TMCO4: variants seen among roughly 807,000 people sequenced by gnomAD.
TMCO4 encodes the protein transmembrane and coiled-coil domain-containing protein 4.
In TMCO4, 58 loss-of-function variants were observed where a neutral mutation model predicts 64.7. The observed-to-expected ratio is 0.90, with a 90% CI of 0.73 to 1.12. The LOEUF is 1.12. Ranked by LOEUF, TMCO4 falls within the 50% of genes most tolerant of loss-of-function variation. The pLI is 0.00. For synonymous variants in TMCO4, 325 were observed against 346.1 expected, an observed-to-expected ratio of 0.94 and a Z score of 0.68; for missense variants, 780 against 825.9, an observed-to-expected ratio of 0.94 and a Z score of 0.68.
chr1:19,798,606 A>C (rs1478999337), intron 1 of TMCO4, among the ~76,000 whole-genome samples: 1 of 152,212 alleles, frequency 6.6e-6, no homozygotes, highest in African/African-American at 2.4e-5. Flanking sequence ...CAAAGCTAGC[A>C]CCTGAGCCCA....
intron 3 of TMCO4, among the ~76,000 whole-genome samples, chr1:19,785,701 GAC>G (rs1295046689): frequency 2.0e-5 from 3 of 152,352 alleles, no homozygotes; most frequent in Non-Finnish European, 2.9e-5. Context: ...GTAGAACCGA[GAC>G]ACACACTCAG....
intron 5 of TMCO4, among the ~76,000 whole-genome samples, chr1:19,770,772 A>G (rs1401288166): frequency 1.3e-5 from 2 of 152,200 alleles, no homozygotes; most frequent in Non-Finnish European, 2.9e-5. Context: ...AAGGAGGGGA[A>G]GGGGCTATTT....
intron 6 of TMCO4, among the ~76,000 whole-genome samples, chr1:19,762,705 A>G (rs2042559239): frequency 6.6e-6 from 1 of 152,180 alleles, no homozygotes; most frequent in Admixed American, 6.5e-5. Flanking sequence ...CTCTCCCCAC[A>G]TTTCCAAATC....
intron 3 of TMCO4, among the ~76,000 whole-genome samples, chr1:19,783,332 C>T (rs2101084539): frequency 6.6e-6 from 1 of 152,312 alleles, no homozygotes; most frequent in South Asian, 2.1e-4. Context: ...CTGTTGGCCA[C>T]CAACTCTGTT....
rs141543738 is a variant in TMCO4, at chr1:19,736,574, C to T, written c.1264+798G>A. On this transcript the variant is annotated intron_variant, in intron 13 of 15. Transcript: ENST00000294543. ...GGAGCAGTGAACCACTCCAAGTGCCCCAGGCTCGGCAACTCACTCTCCCAA... is the reference window on the plus strand; with the variant it reads ...GGAGCAGTGAACCACTCCAAGTGCCTCAGGCTCGGCAACTCACTCTCCCAA... Among the ~76,000 whole-genome samples the T allele has an allele frequency of 2.0e-5, 3 of 152,260 alleles. No individual in the cohort carries two copies. In the East Asian group the frequency reaches 5.8e-4, roughly 29 times the overall value.
At chr1:19,773,467 C>T (rs2043074756) in intron 4 of TMCO4, among the ~76,000 whole-genome samples, 1 of 152,182 alleles carries the variant, frequency 6.6e-6, no homozygotes, top group African/African-American at 2.4e-5. Context: ...TACAGCTGTG[C>T]ATCAGCCAGT....
chr1:19,736,618 G>T (rs2095455942), intron 13 of TMCO4, among the ~76,000 whole-genome samples: 1 of 152,144 alleles, frequency 6.6e-6, no homozygotes, highest in African/African-American at 2.4e-5. Flanking sequence ...TCCACAGGCA[G>T]CCCCTGCTGA....
intron 6 of TMCO4, among the ~76,000 whole-genome samples, chr1:19,765,857 G>A (rs1018379549): frequency 3.3e-5 from 5 of 152,130 alleles, no homozygotes; most frequent in Non-Finnish European, 7.4e-5. Context: ...GGCTGACTCC[G>A]TGACTAATCA....
At chr1:19,788,073 A>G (rs1024490084) in intron 2 of TMCO4, among the ~76,000 whole-genome samples, 29 of 152,204 alleles carry the variant, frequency 1.9e-4, no homozygotes, top group African/African-American at 6.8e-4. Flanking sequence ...GCCATTTTCA[A>G]TGCTAGTGAA....
intron 7 of TMCO4, among the ~76,000 whole-genome samples, chr1:19,751,696 C>T (rs2042024134): frequency 1.3e-5 from 2 of 152,202 alleles, no homozygotes; most frequent in South Asian, 4.1e-4. Context: ...GCACTCTCTC[C>T]TAACGTTCAG....
chr1:19,770,460 G>A (rs2101020245), intron 6 of TMCO4, 82 bp downstream of exon 6: 2 of 1,522,270 alleles, frequency 1.3e-6, no homozygotes, highest in South Asian at 2.2e-5. Context: ...CCGGCCCCAG[G>A]TGGTGGCACC....
intron 9 of TMCO4, 82 bp from the exon 10 acceptor site, chr1:19,745,733 G>GCA: frequency 6.7e-7 from 1 of 1,501,906 alleles, no homozygotes. Flanking sequence ...TCTCACACAT[G>GCA]CACACAGTGA....
At chr1:19,797,163 T>G (rs567631609) in intron 2 of TMCO4, among the ~76,000 whole-genome samples, 16 of 152,284 alleles carry the variant, frequency 1.1e-4, no homozygotes, top group African/African-American at 3.9e-4. Context: ...TGGACATCAT[T>G]ATTGAGCACC....
intron 3 of TMCO4, among the ~76,000 whole-genome samples, chr1:19,784,870 T>A (rs1028394857): frequency 4.9e-5 from 5 of 101,372 alleles, no homozygotes; most frequent in South Asian, 3.5e-4. Context: ...AAAAAAAAAA[T>A]TTCGCAAGAC....
intron 5 of TMCO4, 136 bp downstream of exon 5, chr1:19,771,172 T>C: frequency 1.1e-6 from 1 of 944,172 alleles, no homozygotes; most frequent in Non-Finnish European, 1.6e-6. Context: ...TCAGCTATGA[T>C]CATGATATGA....
intron 2 of TMCO4, among the ~76,000 whole-genome samples, chr1:19,793,473 C>CCCT (rs1167806522): frequency 2.8e-4 from 43 of 152,286 alleles, no homozygotes; most frequent in African/African-American, 9.1e-4. Context: ...CCTAGAAGGG[C>CCCT]AGAGTCTAGG....
At chr1:19,758,550 G>C (rs1288805434) in intron 6 of TMCO4, among the ~76,000 whole-genome samples, 1 of 152,148 alleles carries the variant, frequency 6.6e-6, no homozygotes, top group Non-Finnish European at 1.5e-5. Context: ...TCTCAGGCAC[G>C]GGGCTTTTGT....
Position 19,756,071 on chromosome 1 carries a change from A to AC in TMCO4, c.383-306dup, listed in dbSNP as rs532772449. Among the ~76,000 whole-genome samples, 15 of 152,010 alleles carry AC rather than the reference A, an allele frequency of 9.9e-5. No individual in the cohort carries two copies. The East Asian group carries it at 2.9e-3, about 29-fold the overall frequency. ...AGACCAGCCTGGGCAACACAGTGAG[A>AC]CCCCCTCACCTCTACAAAAAAATAC... On this transcript the variant is annotated intron_variant, in intron 6 of 15. Transcript: ENST00000294543.
chr1:19,722,040 A>G (rs545809809), intron 13 of TMCO4, among the ~76,000 whole-genome samples: 2 of 152,308 alleles, frequency 1.3e-5, no homozygotes, highest in East Asian at 3.9e-4. Context: ...GATTAAATTG[A>G]TCAGTCCTCT....
Sources: allele counts gnomAD v4.1 joint callset (sites outside exome capture counted in the v4.1 genomes callset), GRCh38; gene constraint gnomAD v4.1.1; transcripts MANE v1.5; gene names NCBI Gene and HGNC (gene_info 2026-07-23, HGNC 2026-07-21).